PRKX: variants seen among roughly 807,000 people sequenced by gnomAD.
The protein encoded by PRKX is cAMP-dependent protein kinase catalytic subunit PRKX.
Under a neutral mutation model 22.0 loss-of-function variants are expected in PRKX, and 12 were observed. The ratio of observed to expected loss-of-function variants is 0.54; its 90% CI spans 0.35 to 0.88. The LOEUF is 0.88. PRKX is among the 40% of genes least tolerant of loss of function. The pLI is 0.01. For synonymous variants in PRKX, 134 were observed against 137.7 expected (o/e 0.97, Z 0.19); for missense variants, 217 against 308.0 (o/e 0.70, Z 2.21).
intron 8 of PRKX, among the ~76,000 whole-genome samples, chrX:3,609,317 C>T (rs984398569): frequency 5.4e-5 from 6 of 111,111 alleles, no homozygotes; most frequent in Non-Finnish European, 7.5e-5. Flanking sequence ...CCCGCCACCA[C>T]GCCTGGGTAA....
chrX:3,639,454 T>TG (rs1213735943), intron 4 of PRKX, among the ~76,000 whole-genome samples: 1 of 13,428 alleles, frequency 7.4e-5, no homozygotes. Context: ...GATGAAGGGG[T>TG]GGGGGGGTGG....
chrX:3,673,874 G>C (rs189547572), intron 2 of PRKX, among the ~76,000 whole-genome samples: 4 of 110,576 alleles, frequency 3.6e-5, no homozygotes, highest in Non-Finnish European at 7.6e-5. Flanking sequence ...CTTATAAAAG[G>C]GACCCCAGAG....
intron 4 of PRKX, among the ~76,000 whole-genome samples, chrX:3,641,268 C>T (rs889834085): frequency 3.6e-5 from 4 of 111,516 alleles, no homozygotes; most frequent in South Asian, 3.8e-4. Flanking sequence ...CACAGACATA[C>T]GGTTTTAGGA....
intron 1 of PRKX, among the ~76,000 whole-genome samples, chrX:3,689,780 A>C (rs762619999): frequency 8.9e-6 from 1 of 111,895 alleles, no homozygotes; most frequent in Non-Finnish European, 1.9e-5. Flanking sequence ...GATCGAGACC[A>C]TCCTGGCTAA....
At chrX:3,677,499 T>A (rs965696573) in intron 1 of PRKX, among the ~76,000 whole-genome samples, 12 of 108,961 alleles carry the variant, frequency 1.1e-4, no homozygotes, top group African/African-American at 4.0e-4. Flanking sequence ...GATAATTTTT[T>A]AAATTGTGAC....
intron 3 of PRKX, among the ~76,000 whole-genome samples, chrX:3,652,439 C>T (rs1260599374): frequency 1.9e-5 from 2 of 106,631 alleles, no homozygotes; most frequent in Non-Finnish European, 3.9e-5. Context: ...AAAAAGTTAG[C>T]TAGGCCTGGT....
chrX:3,686,620 C>T (rs770874739), intron 1 of PRKX, among the ~76,000 whole-genome samples: 4 of 109,125 alleles, frequency 3.7e-5, no homozygotes, highest in South Asian at 4.1e-4. Flanking sequence ...TTCAGTGGCG[C>T]GATCTCAGCT....
In PRKX at chrX:3,608,266, T is replaced by G. The variant is rs1486475269; in HGVS notation, c.*703A>C. 1 of 110,424 alleles carries G rather than the reference T, an allele frequency of 9.1e-6. No homozygotes were observed. The highest frequency in any genetic ancestry group is 9.8e-5 in the Admixed American group (1 of 10,198). 9.1% of individuals were successfully genotyped at this position (110,424 alleles called of 1,213,427 possible). A position where few individuals can be genotyped will look rare whatever the true frequency, so the allele number is the denominator to read the frequency against. Reference sequence around the variant, plus strand: ...CAACTTCAATGTCATTGTAGATTCTTGGAATAAATTCGCTCCCATATCTTC... The same window carrying G: ...CAACTTCAATGTCATTGTAGATTCTGGGAATAAATTCGCTCCCATATCTTC... On this transcript the variant is annotated 3_prime_UTR_variant, in exon 9 of 9. Transcript: ENST00000262848.
At chrX:3,630,910 T>C (rs1273394239) in intron 4 of PRKX, among the ~76,000 whole-genome samples, 1 of 111,854 alleles carries the variant, frequency 8.9e-6, no homozygotes, top group Non-Finnish European at 1.9e-5. Flanking sequence ...AACCAGTAAG[T>C]GTATACTAGA....
At chrX:3,709,496 T>C (rs535081059) in intron 1 of PRKX, among the ~76,000 whole-genome samples, 35 of 111,306 alleles carry the variant, frequency 3.1e-4, no homozygotes, top group African/African-American at 1.0e-3. Context: ...AAAAGGAAAA[T>C]GAAATGTGGA....
At chrX:3,673,331 G>T (rs1927885703) in intron 2 of PRKX, among the ~76,000 whole-genome samples, 1 of 111,674 alleles carries the variant, frequency 9.0e-6, no homozygotes, top group Non-Finnish European at 1.9e-5. Context: ...CTCCTGTAGG[G>T]AGGTGGTGGC....
intron 2 of PRKX, among the ~76,000 whole-genome samples, chrX:3,657,322 G>A (rs1927500509): frequency 9.0e-6 from 1 of 110,699 alleles, no homozygotes; most frequent in East Asian, 2.8e-4. Flanking sequence ...ACTAGAATGG[G>A]CCCTATTCCA....
intron 4 of PRKX, among the ~76,000 whole-genome samples, chrX:3,638,312 T>A (rs1323213085): frequency 9.0e-6 from 1 of 111,660 alleles, no homozygotes; most frequent in Admixed American, 9.6e-5. Context: ...AATAGTTCTA[T>A]GTTGTATTCT....
chrX:3,619,213 G>A (rs1363234472), intron 6 of PRKX, among the ~76,000 whole-genome samples: 1 of 112,282 alleles, frequency 8.9e-6, no homozygotes, highest in Admixed American at 9.4e-5. Flanking sequence ...AAGAGACAGA[G>A]GAGGAGACAC....
chrX:3,629,408 G>A (rs1388742977), intron 4 of PRKX, among the ~76,000 whole-genome samples: 3 of 108,204 alleles, frequency 2.8e-5, no homozygotes, highest in African/African-American at 6.8e-5. Context: ...ACCACGCCAG[G>A]GTTTTGTTTT....
chrX:3,710,187 T>C (rs961317864), intron 1 of PRKX, among the ~76,000 whole-genome samples: 1 of 111,722 alleles, frequency 9.0e-6, no homozygotes, highest in Non-Finnish European at 1.9e-5. Flanking sequence ...TTGAAAACCA[T>C]TTTTTCTCTG....
At position 3,606,391 on chromosome X, in the gene PRKX, T is replaced by G. The variant is rs1459573050; in HGVS notation, c.*2578A>C. The G allele has an allele frequency of 1.8e-5, 2 of 112,163 alleles. No homozygotes were observed. Among genetic ancestry groups the G allele is most frequent in the Non-Finnish European group, 3.8e-5 (2 of 53,251 alleles). The allele number at this position is 112,163 out of a possible 1,213,427, so 9.2% of individuals were successfully genotyped here. On this transcript the variant is annotated 3_prime_UTR_variant, in exon 9 of 9. Coordinates refer to ENST00000262848, the MANE Select transcript of PRKX (RefSeq NM_005044.5). The stretch of plus-strand genomic sequence containing the variant: ...GCTATTTGTATTTTTTTTATTTTTA[T>G]GTTTTGAGACGGAGTCTTGCTCTGT...
intron 6 of PRKX, among the ~76,000 whole-genome samples, chrX:3,618,748 T>G (rs1401551231): frequency 3.6e-5 from 4 of 111,916 alleles, no homozygotes; most frequent in Non-Finnish European, 3.8e-5. Flanking sequence ...TTCCTTTGAT[T>G]GGGAAACTTG....
chrX:3,692,515 T>A (rs1271420509), intron 1 of PRKX, among the ~76,000 whole-genome samples: 1 of 106,611 alleles, frequency 9.4e-6, no homozygotes, highest in African/African-American at 3.4e-5. Context: ...CTATGGAGAG[T>A]AAGCAACTGA....
Sources: allele counts gnomAD v4.1 joint callset (sites outside exome capture counted in the v4.1 genomes callset), GRCh38; gene constraint gnomAD v4.1.1; transcripts MANE v1.5; gene names NCBI Gene and HGNC (gene_info 2026-07-23, HGNC 2026-07-21).